Variants in ANKRD30BL observed in about 807,000 individuals in gnomAD.
The protein encoded by ANKRD30BL is ankyrin repeat domain 30B like.
ANKRD30BL carries 20 observed loss-of-function variants against 18.4 expected under a neutral mutation model. The ratio of observed to expected loss-of-function variants is 1.09; its 90% CI spans 0.77 to 1.58. ANKRD30BL has a LOEUF of 1.58. Ranked by LOEUF, ANKRD30BL falls within the 40% of genes most tolerant of loss-of-function variation. ANKRD30BL has a pLI of 0.00. For missense variants in ANKRD30BL, 224 were observed against 268.6 expected (o/e 0.83, Z 1.16); for synonymous variants, 72 against 100.9 (o/e 0.71, Z 1.72).
intron 1 of ANKRD30BL, among the ~76,000 whole-genome samples, chr2:132,216,456 C>T (rs1307114802): frequency 1.3e-5 from 2 of 152,004 alleles, no homozygotes; most frequent in African/African-American, 2.4e-5. Context: ...AGTTTGGAAA[C>T]ACTCTTTTTG....
At chr2:132,165,615 CT>C (rs1688175666), upstream of ANKRD30BL, among the ~76,000 whole-genome samples, 1 of 151,316 alleles carries the variant, frequency 6.6e-6, no homozygotes, top group African/African-American at 2.4e-5. Context: ...CCCAGCTACT[CT>C]GGAGGCGAGG....
At chr2:132,159,866 T>C (rs995960146) in intron 1 of ANKRD30BL, among the ~76,000 whole-genome samples, 3 of 152,192 alleles carry the variant, frequency 2.0e-5, no homozygotes, top group African/African-American at 7.2e-5. Flanking sequence ...CTGGTGCTTT[T>C]ATCATTTTGT....
intron 1 of ANKRD30BL, among the ~76,000 whole-genome samples, chr2:132,235,037 C>T (rs1398300406): frequency 6.6e-6 from 1 of 152,042 alleles, no homozygotes; most frequent in African/African-American, 2.4e-5. Context: ...TCAATATACG[C>T]AAATCAATAA....
At chr2:132,256,271 C>A (rs1386218561) in intron 1 of ANKRD30BL, among the ~76,000 whole-genome samples, 13 of 145,308 alleles carry the variant, frequency 8.9e-5, no homozygotes, top group Admixed American at 5.5e-4. Flanking sequence ...GCAGGGCGGG[C>A]GATGGGGCGT....
intron 1 of ANKRD30BL, among the ~76,000 whole-genome samples, chr2:132,160,720 G>A (rs1460980379): frequency 2.0e-5 from 3 of 151,892 alleles, no homozygotes; most frequent in East Asian, 3.9e-4. Flanking sequence ...GATCCACCGC[G>A]CCTGGCCATG....
intron 1 of ANKRD30BL, among the ~76,000 whole-genome samples, chr2:132,170,922 CG>C (rs1281396898): frequency 6.6e-6 from 1 of 152,122 alleles, no homozygotes; most frequent in African/African-American, 2.4e-5. Flanking sequence ...TTTGGGAGGC[CG>C]AGGCGGGCGG....
At chr2:132,173,529 C>T (rs1688316445) in intron 1 of ANKRD30BL, among the ~76,000 whole-genome samples, 1 of 151,452 alleles carries the variant, frequency 6.6e-6, no homozygotes, top group African/African-American at 2.4e-5. Context: ...GATTTCCTCA[C>T]CTCGTGATCC....
chr2:132,188,609 T>C (rs983450330), intron 1 of ANKRD30BL, among the ~76,000 whole-genome samples: 2 of 151,706 alleles, frequency 1.3e-5, no homozygotes, highest in African/African-American at 4.8e-5. Flanking sequence ...ACTCAGGAGG[T>C]TGAGGCAGGA....
At chr2:132,248,723 GATGAATGC>G (rs1395432628) in intron 1 of ANKRD30BL, among the ~76,000 whole-genome samples, 3 of 152,068 alleles carry the variant, frequency 2.0e-5, no homozygotes, top group African/African-American at 7.2e-5. Context: ...ATCTCTGTGA[GATGAATGC>G]ACACCTTGCA....
In ANKRD30BL at chr2:132,167,265, C is replaced by T. The variant is rs775578946; in HGVS notation, n.442-10119G>A. 8.1e-3 allele frequency among the ~76,000 whole-genome samples: 953 copies of T among 117,870 alleles called. 8 individuals are homozygous for T. The highest frequency in any genetic ancestry group is 0.044 in the African/African-American group (845 of 19,182). 77.3% of individuals were successfully genotyped at this position (117,870 alleles called of 152,430 possible). On this transcript the variant is annotated intron_variant and non_coding_transcript_variant, in intron 1 of 4. Transcript: ENST00000470729. ...TGAAGTAGAATATAAACATTAATTA[C>T]ATTCATTTATTTTTATTTTATTTTA...
At chr2:132,174,380 A>T (rs1411298564) in intron 1 of ANKRD30BL, among the ~76,000 whole-genome samples, 1 of 152,204 alleles carries the variant, frequency 6.6e-6, no homozygotes, top group Non-Finnish European at 1.5e-5. Context: ...CTCTACTCTC[A>T]GTGAAAGGCT....
At chr2:132,229,502 C>T (rs1417446330) in intron 1 of ANKRD30BL, among the ~76,000 whole-genome samples, 1 of 152,084 alleles carries the variant, frequency 6.6e-6, no homozygotes, top group African/African-American at 2.4e-5. Flanking sequence ...GTGATGTTTG[C>T]ATTCAACTCA....
intron 1 of ANKRD30BL, among the ~76,000 whole-genome samples, chr2:132,211,666 A>G (rs535701100): frequency 1.3e-5 from 2 of 151,930 alleles, no homozygotes; most frequent in Admixed American, 1.3e-4. Flanking sequence ...CAGTTTTGAA[A>G]CCCTCTTCTT....
At chr2:132,202,502 G>T (rs1176569341) in intron 1 of ANKRD30BL, among the ~76,000 whole-genome samples, 2 of 150,084 alleles carry the variant, frequency 1.3e-5, no homozygotes, top group African/African-American at 4.9e-5. Flanking sequence ...ATTTTAATCA[G>T]AAATTTCAAA....
chr2:132,160,605 A>AT (rs1256226828), intron 1 of ANKRD30BL, among the ~76,000 whole-genome samples: 1 of 149,838 alleles, frequency 6.7e-6, no homozygotes, highest in Admixed American at 6.7e-5. Flanking sequence ...CGCCCGGCTA[A>AT]TTTTTTGTAT....
At chr2:132,175,627 T>A (rs988662723) in intron 1 of ANKRD30BL, among the ~76,000 whole-genome samples, 1 of 152,212 alleles carries the variant, frequency 6.6e-6, no homozygotes, top group African/African-American at 2.4e-5. Flanking sequence ...TGGTCAGGTC[T>A]TTCTCATCCC....
At chr2:132,151,165 A>G (rs1310324366) in intron 4 of ANKRD30BL, among the ~76,000 whole-genome samples, 189 bp from the exon 5 acceptor site, 3 of 152,186 alleles carry the variant, frequency 2.0e-5, no homozygotes, top group East Asian at 1.9e-4. Context: ...GAAGAAAGAA[A>G]GATAAAACAC....
At chr2:132,184,240 T>C (rs578070648) in intron 1 of ANKRD30BL, among the ~76,000 whole-genome samples, 1 of 152,258 alleles carries the variant, frequency 6.6e-6, no homozygotes, top group East Asian at 1.9e-4. Flanking sequence ...GCCTGGCTAA[T>C]TTTTTTGTGT....
intron 1 of ANKRD30BL, among the ~76,000 whole-genome samples, chr2:132,178,997 T>C (rs1195765800): frequency 2.0e-5 from 3 of 151,802 alleles, no homozygotes; most frequent in African/African-American, 7.3e-5. Flanking sequence ...TTTTGAAGAC[T>C]AGTAATTTTA....
Sources: gnomAD v4.1 joint callset for allele counts (sites outside exome capture counted in the v4.1 genomes callset) on GRCh38, gnomAD v4.1.1 for gene constraint, MANE v1.5 for transcripts, NCBI Gene and HGNC (gene_info 2026-07-23, HGNC 2026-07-21) for gene names.